Variants in PTPN21 observed in about 807,000 individuals in gnomAD.
PTPN21 encodes the protein tyrosine-protein phosphatase non-receptor type 21.
A neutral mutation model predicts 131.8 loss-of-function variants in PTPN21; 77 were observed. That is an observed-to-expected ratio of 0.58 (90% CI 0.49 to 0.71). PTPN21 has a LOEUF of 0.71. Among genes scored for constraint, PTPN21 ranks in the 30% least tolerant of loss-of-function variants. The pLI is 0.00. For synonymous variants in PTPN21, 715 were observed against 621.3 expected, an observed-to-expected ratio of 1.15 and a Z score of -2.24; for missense variants, 1,552 against 1,527.1, an observed-to-expected ratio of 1.02 and a Z score of -0.27.
At chr14:88,498,580 G>C (rs370681741) in intron 8 of PTPN21, among the ~76,000 whole-genome samples, 1 of 152,208 alleles carries the variant, frequency 6.6e-6, no homozygotes, top group East Asian at 1.9e-4. Context: ...GTGAGTTACA[G>C]TGCTTCCCTC....
chr14:88,533,044 G>A (rs1331131836), intron 2 of PTPN21, among the ~76,000 whole-genome samples: 2 of 152,206 alleles, frequency 1.3e-5, no homozygotes, highest in South Asian at 2.1e-4. Flanking sequence ...GTTATGAAGC[G>A]CTTCATTTCC....
intron 2 of PTPN21, among the ~76,000 whole-genome samples, chr14:88,524,463 A>T (rs955995027): frequency 2.0e-5 from 3 of 152,344 alleles, no homozygotes; most frequent in East Asian, 1.9e-4. Flanking sequence ...ACCATATATA[A>T]AAATTAAGTA....
chr14:88,476,155 T>C (rs902097953), intron 13 of PTPN21, among the ~76,000 whole-genome samples: 3 of 152,210 alleles, frequency 2.0e-5, no homozygotes, highest in Admixed American at 6.5e-5. Flanking sequence ...TATTTCACTG[T>C]TTTTAATACT....
intron 2 of PTPN21, among the ~76,000 whole-genome samples, chr14:88,518,420 T>G (rs371761342): frequency 6.6e-5 from 1 of 15,244 alleles, no homozygotes; most frequent in Admixed American, 1.2e-3. Flanking sequence ...ATATATTTTT[T>G]TTTTTTTTTT....
chr14:88,514,967 C>T (rs971076898), intron 3 of PTPN21: 1 of 152,186 alleles, frequency 6.6e-6, no homozygotes, highest in African/African-American at 2.4e-5. Flanking sequence ...ATCTTTCTCT[C>T]CAATTCCTAC....
At chr14:88,488,843 G>GA (rs1201672218) in intron 10 of PTPN21, among the ~76,000 whole-genome samples, 4 of 151,988 alleles carry the variant, frequency 2.6e-5, no homozygotes, top group Non-Finnish European at 5.9e-5. Flanking sequence ...TTAAAAAAAA[G>GA]AAAAAAGTCT....
At chr14:88,506,860 G>A (rs889984491) in intron 4 of PTPN21, among the ~76,000 whole-genome samples, 57 of 152,112 alleles carry the variant, frequency 3.7e-4, no homozygotes, top group Middle Eastern at 6.8e-3. Context: ...TGGCCAACAT[G>A]GTGAAACCCC....
intron 10 of PTPN21, among the ~76,000 whole-genome samples, chr14:88,490,353 A>C (rs1321963195): frequency 1.3e-5 from 2 of 151,932 alleles, no homozygotes; most frequent in Non-Finnish European, 2.9e-5. Flanking sequence ...TATCCATATA[A>C]GAACCTACTC....
rs985853040 is a variant in PTPN21 at position 88,469,197 on chromosome 14, G to A, written c.3236-121C>T. On this transcript the variant is annotated intron_variant, in intron 17 of 18. Transcript: ENST00000556564. This position sits in a 1 kb window ranked among gnomAD's most constrained non-coding sequence, Gnocchi z 4.3. ...TGCAGATAAAGAGCACTGGGTGCCA[G>A]TGAACCAAACCCAACCACAAAGGGA... 9 of 1,157,018 alleles carry A rather than the reference G, an allele frequency of 7.8e-6. No homozygotes were observed. The highest frequency in any genetic ancestry group is 3.1e-5 in the African/African-American group (2 of 64,218). The allele number at this position is 1,157,018 out of a possible 1,614,324, so 71.7% of individuals were successfully genotyped here.
intron 2 of PTPN21, among the ~76,000 whole-genome samples, chr14:88,522,427 CA>C (rs1177147324): frequency 5.2e-4 from 22 of 42,156 alleles, no homozygotes; most frequent in African/African-American, 1.6e-3. Context: ...AAGACTGTCT[CA>C]AAAAAAAAAA....
At chr14:88,517,863 GTA>G (rs1473915486) in intron 2 of PTPN21, among the ~76,000 whole-genome samples, 2 of 144,550 alleles carry the variant, frequency 1.4e-5, no homozygotes, top group African/African-American at 5.1e-5. Flanking sequence ...ATATATATGT[GTA>G]TATGTGTATA....
chr14:88,544,237 T>A (rs2078743959), intron 2 of PTPN21, among the ~76,000 whole-genome samples: 1 of 151,722 alleles, frequency 6.6e-6, no homozygotes, highest in Non-Finnish European at 1.5e-5. Context: ...CCCAGCTACT[T>A]GGGAGGCTGA....
At chr14:88,480,440 AT>A in intron 12 of PTPN21, 88 bp from the exon 13 acceptor site, 1 of 1,035,764 alleles carries the variant, frequency 9.7e-7, no homozygotes, top group Non-Finnish European at 1.4e-6. Flanking sequence ...CTCTGATGAC[AT>A]TTTTAACACA....
intron 2 of PTPN21, among the ~76,000 whole-genome samples, chr14:88,522,224 C>T (rs964104811): frequency 1.3e-5 from 2 of 151,530 alleles, no homozygotes; most frequent in Non-Finnish European, 1.5e-5. Flanking sequence ...GTCAGGAGTT[C>T]GAGACTGGCC....
At chr14:88,504,079 C>T (rs923159099) in intron 6 of PTPN21, among the ~76,000 whole-genome samples, 3 of 152,112 alleles carry the variant, frequency 2.0e-5, no homozygotes, top group Non-Finnish European at 4.4e-5. Context: ...CCTAATTTTA[C>T]GTTAACCTAT....
chr14:88,521,567 T>C (rs2078393874), intron 2 of PTPN21, among the ~76,000 whole-genome samples: 2 of 12,032 alleles, frequency 1.7e-4, no homozygotes, highest in African/African-American at 2.0e-4. Context: ...CACGCCCAAC[T>C]TTTTTTTTTT....
intron 2 of PTPN21, among the ~76,000 whole-genome samples, chr14:88,517,683 T>C (rs1449484952): frequency 6.8e-6 from 1 of 148,098 alleles, no homozygotes; most frequent in African/African-American, 2.5e-5. Flanking sequence ...CATATGTATA[T>C]ATACATATGT....
intron 2 of PTPN21, among the ~76,000 whole-genome samples, chr14:88,533,398 T>G (rs918710173): frequency 2.0e-5 from 3 of 152,210 alleles, no homozygotes; most frequent in Admixed American, 6.5e-5. Flanking sequence ...GTTGCTAAGT[T>G]GCAGTGCAAT....
At chr14:88,518,988 CAT>C (rs1288682555) in intron 2 of PTPN21, among the ~76,000 whole-genome samples, 7 of 27,142 alleles carry the variant, frequency 2.6e-4, no homozygotes, top group Non-Finnish European at 4.6e-4. Flanking sequence ...CACACACACA[CAT>C]ACACACACAC....
Sources: gnomAD v4.1 joint callset for allele counts (sites outside exome capture counted in the v4.1 genomes callset) on GRCh38, gnomAD v4.1.1 for gene constraint, Gnocchi (gnomAD v3.1) non-coding constraint, MANE v1.5 for transcripts, NCBI Gene and HGNC (gene_info 2026-07-23, HGNC 2026-07-21) for gene names.